RASGEF1A: variants seen among roughly 807,000 people sequenced by gnomAD.
RASGEF1A encodes the protein RasGEF domain family member 1A, also known as ras-GEF domain-containing family member 1A.
A neutral mutation model predicts 56.4 loss-of-function variants in RASGEF1A; 18 were observed. The observed-to-expected ratio is 0.32, with a 90% confidence interval of 0.22 to 0.47. The LOEUF (loss-of-function observed/expected upper bound fraction) is 0.47. RASGEF1A is among the 20% of genes least tolerant of loss of function. The probability of loss-of-function intolerance (pLI) is 1.00; values close to 1 mark genes in which losing one functional copy is unlikely to be tolerated. For synonymous variants in RASGEF1A, 245 were observed against 242.6 expected (o/e 1.01, Z -0.09); for missense variants, 422 against 627.1 (o/e 0.67, Z 3.49).
At chr10:43,230,892 G>A (rs1258704521) in intron 1 of RASGEF1A, among the ~76,000 whole-genome samples, 2 of 152,190 alleles carry the variant, frequency 1.3e-5, no homozygotes, top group African/African-American at 2.4e-5. Context: ...GGGCTGTGCT[G>A]GGTTCATTCA....
intron 1 of RASGEF1A, among the ~76,000 whole-genome samples, chr10:43,215,510 C>T (rs1045208635): frequency 6.6e-6 from 1 of 152,188 alleles, no homozygotes; most frequent in Non-Finnish European, 1.5e-5. Flanking sequence ...GAGAGACCTG[C>T]GCACCTACCT....
In RASGEF1A at chr10:43,208,849, C is replaced by T. The variant is rs571887933; in HGVS notation, c.-6-2727G>A. 85 of 985,510 alleles carry T rather than the reference C, an allele frequency of 8.6e-5. 1 individual carries two copies. The South Asian group carries it at 3.3e-3, about 39-fold the overall frequency. The allele number at this position is 985,510 out of a possible 1,614,324, so 61.0% of individuals were successfully genotyped here. A position where few individuals can be genotyped will look rare whatever the true frequency, so the allele number is the denominator to read the frequency against. Reference sequence around the variant, plus strand: ...CAGTGCCAAGTGGAGAGGCAGGTTCCCTACATGGCTTTTCCCGGGCAGGAA... The same window carrying T: ...CAGTGCCAAGTGGAGAGGCAGGTTCTCTACATGGCTTTTCCCGGGCAGGAA... On this transcript the variant is annotated intron_variant, in intron 1 of 12. Transcript: ENST00000395810.
At chr10:43,239,018 T>C (rs1840471603) in intron 1 of RASGEF1A, among the ~76,000 whole-genome samples, 1 of 152,206 alleles carries the variant, frequency 6.6e-6, no homozygotes, top group South Asian at 2.1e-4. Flanking sequence ...TTCTAATCAG[T>C]GGTGCCTGGA....
chr10:43,254,613 C>A (rs1374806128), intron 1 of RASGEF1A, among the ~76,000 whole-genome samples: 1 of 152,200 alleles, frequency 6.6e-6, no homozygotes, highest in Admixed American at 6.5e-5. Context: ...GGCCTCTGGG[C>A]CTCAGCTGCT....
intron 1 of RASGEF1A, among the ~76,000 whole-genome samples, chr10:43,232,960 C>T (rs761701224): frequency 1.2e-3 from 189 of 152,288 alleles, no homozygotes; most frequent in Non-Finnish European, 2.1e-3. Flanking sequence ...TAACGAATAG[C>T]CCCATCAGGG....
intron 10 of RASGEF1A, 83 bp from the exon 11 acceptor site, chr10:43,197,182 C>A: frequency 6.7e-7 from 1 of 1,492,010 alleles, no homozygotes. Context: ...TAGGTTTTGG[C>A]CTCAGCCTCC....
chr10:43,199,810 T>C (rs1460292767), intron 6 of RASGEF1A, 42 bp from the exon 7 acceptor site: 1 of 1,537,244 alleles, frequency 6.5e-7, no homozygotes. Context: ...TGGAGGACCA[T>C]GGCTGGACAA....
At chr10:43,203,735 G>A (rs1487889129) in intron 2 of RASGEF1A, 7 of 1,105,904 alleles carry the variant, frequency 6.3e-6, no homozygotes, top group African/African-American at 3.4e-5. Context: ...AGCCTGGGAC[G>A]TTGGTAGGGC....
intron 1 of RASGEF1A, among the ~76,000 whole-genome samples, chr10:43,250,956 C>G (rs1388226773): frequency 6.6e-6 from 1 of 152,222 alleles, no homozygotes; most frequent in African/African-American, 2.4e-5. Context: ...AGGAGCTGCC[C>G]AGGGCCAGGC....
At position 43,196,721 on chromosome 10, in the gene RASGEF1A, G is replaced by T. The variant is rs1839803720; in HGVS notation, c.1349-173C>A. On this transcript the variant is annotated intron_variant, in intron 11 of 12. Transcript: ENST00000395810. This position sits in a 1 kb window ranked among gnomAD's most constrained non-coding sequence, Gnocchi z 4.6. ...GCTGCCTGTTGGGGACTCTAGGAAG[G>T]TTCCTCGTGTTGCAGCACCTGACCT... Among the ~76,000 whole-genome samples the T allele has an allele frequency of 1.3e-5, 2 of 152,188 alleles. No individual in the cohort carries two copies. Among genetic ancestry groups the T allele is most frequent in the Admixed American group, 1.3e-4 (2 of 15,282 alleles).
chr10:43,225,259 G>GC (rs1554827175), intron 1 of RASGEF1A, among the ~76,000 whole-genome samples: 3 of 90,628 alleles, frequency 3.3e-5, no homozygotes, highest in East Asian at 3.8e-4. Context: ...GGGGTCTGTG[G>GC]GGGGGGGGTC....
At chr10:43,246,946 T>C (rs771788076) in intron 1 of RASGEF1A, among the ~76,000 whole-genome samples, 16 of 152,204 alleles carry the variant, frequency 1.1e-4, no homozygotes, top group Non-Finnish European at 2.2e-4. Flanking sequence ...GAAAAACTTG[T>C]GCTTCAAAGG....
intron 1 of RASGEF1A, among the ~76,000 whole-genome samples, chr10:43,256,228 C>T (rs1374553208): frequency 6.6e-6 from 1 of 152,218 alleles, no homozygotes; most frequent in Non-Finnish European, 1.5e-5. Context: ...CAAGGCAAGC[C>T]AGGCGGGGGC....
intron 1 of RASGEF1A, chr10:43,209,230 A>C (rs2133192687): frequency 1.0e-6 from 1 of 984,852 alleles, no homozygotes. Flanking sequence ...GCAAGGCTAC[A>C]GTTGAAGAAT....
intron 6 of RASGEF1A, 61 bp downstream of exon 6, chr10:43,200,121 T>A: frequency 7.2e-7 from 1 of 1,381,012 alleles, no homozygotes; most frequent in East Asian, 2.5e-5. Context: ...CCACCCTGCA[T>A]GGAGCGCAAG....
rs1273699836 is a variant in RASGEF1A at position 43,200,104 on chromosome 10, C to T, written c.756+78G>A. 2.2e-5 allele frequency: 27 copies of T among 1,225,862 alleles called. 1 individual carries two copies. In the Middle Eastern group the frequency reaches 4.2e-3, roughly 189 times the overall value. The allele number at this position is 1,225,862 out of a possible 1,614,324, so 75.9% of individuals were successfully genotyped here. ...GACGCTCGGGGCGTGCTGAGTGAGG[C>T]CCACACCCACCCTGCATGGAGCGCA... On this transcript the variant is annotated intron_variant, in intron 6 of 12. Coordinates refer to ENST00000395810, the MANE Select transcript of RASGEF1A (RefSeq NM_145313.4).
chr10:43,199,153 G>A lies in RASGEF1A; in HGVS notation c.891C>T (p.Phe297=), dbSNP rs1329550859. The part of the protein sequence containing the change: ...KKHRTRMLEF[F]IDVARECFNI... The stretch of plus-strand genomic sequence containing the variant: ...TGAAGCACTCCCGGGCCACATCAAT[G>A]AAGAACTCCAACATGCGGGTCCGGT... The change falls in exon 8 of 13, where the codon TTC becomes TTT. Residue 297 remains phenylalanine, a synonymous_variant. Coordinates refer to ENST00000395810, the MANE Select transcript of RASGEF1A (RefSeq NM_145313.4). The A allele has an allele frequency of 2.5e-6, 4 of 1,613,772 alleles. No homozygotes were observed. The highest frequency in any genetic ancestry group is 3.4e-6 in the Non-Finnish European group (4 of 1,179,958).
chr10:43,218,689 C>T (rs1054373820), intron 1 of RASGEF1A, among the ~76,000 whole-genome samples: 1 of 152,282 alleles, frequency 6.6e-6, no homozygotes, highest in Non-Finnish European at 1.5e-5. Context: ...TGTGAACCTT[C>T]CGGGCTGGCC....
At position 43,229,601 on chromosome 10, in the gene RASGEF1A, C is replaced by A. The variant is rs368327282; in HGVS notation, c.-6-23479G>T. 86 of 1,466,972 alleles carry A rather than the reference C, an allele frequency of 5.9e-5. No individual in the cohort carries two copies. In the South Asian group the frequency reaches 6.1e-4, roughly 10 times the overall value. The allele number at this position is 1,466,972 out of a possible 1,614,324, so 90.9% of individuals were successfully genotyped here. On this transcript the variant is annotated intron_variant, in intron 1 of 12. Transcript: ENST00000395810. ...GAGCCCGACAGCGCAAGAACCCTGC[C>A]CCGCGGCCTTGCGCCTGGGCCCGCC...
Sources: gnomAD v4.1 joint callset for allele counts (sites outside exome capture counted in the v4.1 genomes callset) on GRCh38, gnomAD v4.1.1 for gene constraint, Gnocchi (gnomAD v3.1) non-coding constraint, MANE v1.5 for transcripts, NCBI Gene and HGNC (gene_info 2026-07-23, HGNC 2026-07-21) for gene names.